ZEB1: variants seen among roughly 807,000 people sequenced by gnomAD.
The protein encoded by ZEB1 is zinc finger E-box-binding homeobox 1.
ZEB1 carries 21 observed loss-of-function variants against 84.9 expected under a neutral mutation model. The observed-to-expected ratio is 0.25, with a 90% CI of 0.18 to 0.36. The LOEUF (loss-of-function observed/expected upper bound fraction) is 0.36. Ranked by LOEUF, ZEB1 falls within the 10% of genes least tolerant of loss-of-function variation. The pLI is 1.00. For synonymous variants in ZEB1, 420 were observed against 471.1 expected, an observed-to-expected ratio of 0.89 and a Z score of 1.41; for missense variants, 1,104 against 1,330.2, an observed-to-expected ratio of 0.83 and a Z score of 2.65.
Position 31,463,922 on chromosome 10 carries a change from A to C in ZEB1, c.259+2685A>C, listed in dbSNP as rs188748479. Among the ~76,000 whole-genome samples, 547 of 152,350 alleles carry C rather than the reference A, an allele frequency of 3.6e-3. 1 individual carries two copies. Among genetic ancestry groups the C allele is most frequent in the South Asian group, 0.011 (52 of 4,830 alleles). On this transcript the variant is annotated intron_variant, in intron 2 of 8. Coordinates refer to ENST00000424869, the MANE Select transcript of ZEB1 (RefSeq NM_001174096.2). ...AATTACCAGAAACAAAAGGAAGCAGAAACTGACCCATAAAGGCTAATTACT... is the reference window on the plus strand; with the variant it reads ...AATTACCAGAAACAAAAGGAAGCAGCAACTGACCCATAAAGGCTAATTACT...
At chr10:31,424,475 T>G (rs1411297544) in intron 1 of ZEB1, among the ~76,000 whole-genome samples, 1 of 151,694 alleles carries the variant, frequency 6.6e-6, no homozygotes, top group Non-Finnish European at 1.5e-5. Flanking sequence ...TAAGAAAAGG[T>G]TTTGTTACTT....
chr10:31,363,444 G>A (rs1300663467), intron 1 of ZEB1: 1 of 1,534,012 alleles, frequency 6.5e-7, no homozygotes, highest in Admixed American at 2.0e-5. Flanking sequence ...GCCTGGGATT[G>A]TACCAGGAAG....
chr10:31,427,605 G>T (rs527451350), intron 1 of ZEB1, among the ~76,000 whole-genome samples: 1 of 152,234 alleles, frequency 6.6e-6, no homozygotes, highest in South Asian at 2.1e-4. Context: ...TGTAATCCCA[G>T]CACTTTGGGA....
rs2034703975 is a variant in ZEB1, at chr10:31,323,659, AT to A, written c.58+4370del. ...AGTTCGTACGTTGCTGTATGCTTGT[AT>A]TTAAATAATTCCTTTCAAGAAACTA... On this transcript the variant is annotated intron_variant, in intron 1 of 8. Transcript: ENST00000424869. Among the ~76,000 whole-genome samples the A allele has an allele frequency of 2.0e-5, 3 of 152,196 alleles. No individual in the cohort carries two copies. In the South Asian group the frequency reaches 6.2e-4, roughly 31 times the overall value.
chr10:31,379,965 A>C (rs911125770), intron 1 of ZEB1, among the ~76,000 whole-genome samples: 1 of 152,180 alleles, frequency 6.6e-6, no homozygotes, highest in African/African-American at 2.4e-5. Context: ...TATTACATCC[A>C]ACAAAATTAA....
At chr10:31,360,404 G>A (rs982313123) in intron 1 of ZEB1, among the ~76,000 whole-genome samples, 1 of 152,136 alleles carries the variant, frequency 6.6e-6, no homozygotes, top group Non-Finnish European at 1.5e-5. Flanking sequence ...AGTTTAGGAG[G>A]TATTTTAACA....
intron 1 of ZEB1, among the ~76,000 whole-genome samples, chr10:31,452,701 ATGTGTGTG>A (rs377004895): frequency 1.7e-4 from 15 of 90,350 alleles, no homozygotes; most frequent in East Asian, 4.3e-4. Context: ...TTAGGATAAA[ATGTGTGTG>A]TGTGTGTGTG....
intron 1 of ZEB1, among the ~76,000 whole-genome samples, chr10:31,334,314 CT>C (rs1358447279): frequency 6.6e-6 from 1 of 152,052 alleles, no homozygotes; most frequent in African/African-American, 2.4e-5. Flanking sequence ...ATTACACTTT[CT>C]GTTTACAATT....
intron 2 of ZEB1, among the ~76,000 whole-genome samples, chr10:31,462,586 G>C (rs1049306555): frequency 2.0e-5 from 3 of 152,094 alleles, no homozygotes; most frequent in Admixed American, 6.6e-5. Flanking sequence ...GTGAATATAA[G>C]GTTTTCAGGC....
intron 1 of ZEB1, among the ~76,000 whole-genome samples, chr10:31,326,626 A>T (rs1376699253): frequency 2.0e-5 from 3 of 152,194 alleles, no homozygotes; most frequent in African/African-American, 7.2e-5. Context: ...GGACTAGGTC[A>T]CAGCTTTTTG....
At chr10:31,444,106 T>C (rs1432573066) in intron 1 of ZEB1, among the ~76,000 whole-genome samples, 1 of 151,488 alleles carries the variant, frequency 6.6e-6, no homozygotes, top group Non-Finnish European at 1.5e-5. Context: ...ACTGCCATTC[T>C]AACTGGTGTG....
At chr10:31,494,209 A>G (rs374032568) in intron 2 of ZEB1, among the ~76,000 whole-genome samples, 2 of 152,002 alleles carry the variant, frequency 1.3e-5, no homozygotes, top group African/African-American at 4.8e-5. Flanking sequence ...AGGTTTGCAG[A>G]CACTTAGCAA....
At chr10:31,366,243 A>AG (rs1222586502) in intron 1 of ZEB1, among the ~76,000 whole-genome samples, 21 of 152,358 alleles carry the variant, frequency 1.4e-4, no homozygotes, top group South Asian at 1.2e-3. Flanking sequence ...GGGAAGTTCC[A>AG]GAAAAAAACA....
chr10:31,356,532 CA>C (rs2042154532), intron 1 of ZEB1, among the ~76,000 whole-genome samples: 1 of 152,060 alleles, frequency 6.6e-6, no homozygotes, highest in Non-Finnish European at 1.5e-5. Context: ...CATGATTATT[CA>C]GAGAATTTAT....
At chr10:31,471,731 T>A (rs1417086925) in intron 2 of ZEB1, among the ~76,000 whole-genome samples, 1 of 143,374 alleles carries the variant, frequency 7.0e-6, no homozygotes, top group Non-Finnish European at 1.5e-5. Context: ...TCTACAGAAC[T>A]CTCCACCCCA....
At chr10:31,407,016 T>G (rs543036202) in intron 1 of ZEB1, among the ~76,000 whole-genome samples, 6 of 152,244 alleles carry the variant, frequency 3.9e-5, no homozygotes, top group Admixed American at 3.3e-4. Flanking sequence ...ATGTGTGGTG[T>G]TATTTCTGAG....
At chr10:31,509,892 A>G (rs933396569) in intron 4 of ZEB1, among the ~76,000 whole-genome samples, 2 of 152,234 alleles carry the variant, frequency 1.3e-5, no homozygotes, top group African/African-American at 2.4e-5. Flanking sequence ...CTCCAAGTGT[A>G]AAAATAAAGT....
At chr10:31,451,576 G>C (rs11008500) in intron 1 of ZEB1, among the ~76,000 whole-genome samples, 1 of 152,170 alleles carries the variant, frequency 6.6e-6, no homozygotes, top group Non-Finnish European at 1.5e-5. Context: ...GGAAATATTA[G>C]TTATAGGTAA....
intron 6 of ZEB1, among the ~76,000 whole-genome samples, chr10:31,518,747 A>T (rs1213721711): frequency 6.6e-6 from 1 of 152,086 alleles, no homozygotes; most frequent in African/African-American, 2.4e-5. Context: ...GCAGGTCCTA[A>T]CTCCCCTTTT....
Sources: allele counts gnomAD v4.1 joint callset (sites outside exome capture counted in the v4.1 genomes callset), GRCh38; gene constraint gnomAD v4.1.1; transcripts MANE v1.5; gene names NCBI Gene and HGNC (gene_info 2026-07-23, HGNC 2026-07-21).